The following DSCAM variants were observed in gnomAD, a reference collection of about 807,000 sequenced individuals.
DSCAM encodes the protein cell adhesion molecule DSCAM.
Under a neutral mutation model 217.7 loss-of-function variants are expected in DSCAM, and 47 were observed. The ratio of observed to expected loss-of-function variants is 0.22; its 90% CI spans 0.17 to 0.28. DSCAM has a LOEUF of 0.28. DSCAM is among the 10% of genes least tolerant of loss of function. The pLI is 1.00. For missense variants in DSCAM, 2,080 were observed against 2,618.3 expected (o/e 0.79, Z 4.49); for synonymous variants, 1,056 against 1,015.3 (o/e 1.04, Z -0.76).
At chr21:40,289,115 A>G (rs1400545582) in intron 10 of DSCAM, among the ~76,000 whole-genome samples, 1 of 152,226 alleles carries the variant, frequency 6.6e-6, no homozygotes, top group East Asian at 1.9e-4. Flanking sequence ...ATGAAAGCAA[A>G]TGGGAGAGAG....
chr21:40,661,760 T>C (rs1322906648), intron 3 of DSCAM, among the ~76,000 whole-genome samples: 3 of 152,168 alleles, frequency 2.0e-5, no homozygotes. Context: ...AAGCTCTCTT[T>C]TGTAAGCAGG....
chr21:40,032,787 A>T (rs2088552382), intron 32 of DSCAM, among the ~76,000 whole-genome samples: 2 of 150,654 alleles, frequency 1.3e-5, no homozygotes, highest in African/African-American at 5.0e-5. Context: ...TTTGCTTCTT[A>T]CTTTTGCATC....
chr21:40,105,701 G>C (rs1184271649), intron 20 of DSCAM, among the ~76,000 whole-genome samples: 1 of 152,024 alleles, frequency 6.6e-6, no homozygotes, highest in Non-Finnish European at 1.5e-5. Context: ...ACTGTGAATA[G>C]GATAACAGGG....
intron 18 of DSCAM, among the ~76,000 whole-genome samples, chr21:40,138,792 A>C (rs1360522549): frequency 9.0e-6 from 1 of 111,642 alleles, no homozygotes; most frequent in Non-Finnish European, 1.7e-5. Flanking sequence ...GGGTATGTGT[A>C]TGTGTGGTAT....
chr21:40,146,996 C>T (rs745509407), intron 16 of DSCAM, among the ~76,000 whole-genome samples: 1 of 152,172 alleles, frequency 6.6e-6, no homozygotes, highest in Non-Finnish European at 1.5e-5. Context: ...GTCAAATTTA[C>T]CAACAAAGAG....
chr21:40,799,069 G>A lies in DSCAM; in HGVS notation c.43+47550C>T, dbSNP rs138910978. Among the ~76,000 whole-genome samples the A allele has an allele frequency of 2.6e-3, 401 of 152,192 alleles. 2 individuals are homozygous for A. Among genetic ancestry groups the A allele is most frequent in the African/African-American group, 9.2e-3 (383 of 41,538 alleles). On this transcript the variant is annotated intron_variant, in intron 1 of 32. Transcript: ENST00000400454. Reference sequence around the variant, plus strand: ...TTAGATATCCACAGTTAAGTTTGTAGGCAAAGGATGGTATTGAGGTGTGTA... The same window carrying A: ...TTAGATATCCACAGTTAAGTTTGTAAGCAAAGGATGGTATTGAGGTGTGTA...
chr21:40,139,394 C>A (rs1356248890), intron 18 of DSCAM, among the ~76,000 whole-genome samples: 4 of 151,794 alleles, frequency 2.6e-5, no homozygotes. Flanking sequence ...GGCAGGACAA[C>A]CTGAAGCAAA....
chr21:40,608,502 T>G (rs1338692542), intron 3 of DSCAM, among the ~76,000 whole-genome samples: 1 of 152,204 alleles, frequency 6.6e-6, no homozygotes, highest in Non-Finnish European at 1.5e-5. Context: ...AACTGTTTTG[T>G]GCCCAGATAA....
chr21:40,185,574 G>A (rs58085431), intron 14 of DSCAM, among the ~76,000 whole-genome samples: 10,909 of 152,234 alleles, frequency 0.072, 1,238 homozygotes, highest in African/African-American at 0.24. Context: ...TAGCCAGTGC[G>A]CAGCCAGTGA....
chr21:40,039,462 G>A (rs1232973142), intron 32 of DSCAM, among the ~76,000 whole-genome samples: 1 of 152,106 alleles, frequency 6.6e-6, no homozygotes, highest in African/African-American at 2.4e-5. Flanking sequence ...TCACAAGCAT[G>A]ATATATTCAT....
At chr21:40,803,018 T>G (rs2091755673) in intron 1 of DSCAM, among the ~76,000 whole-genome samples, 1 of 152,176 alleles carries the variant, frequency 6.6e-6, no homozygotes, top group Non-Finnish European at 1.5e-5. Context: ...TGGTCTGTTT[T>G]TGCTGATATT....
chr21:40,283,368 C>T (rs761669859), intron 10 of DSCAM, among the ~76,000 whole-genome samples: 3 of 152,058 alleles, frequency 2.0e-5, no homozygotes, highest in East Asian at 1.9e-4. Flanking sequence ...TTCAATGCTC[C>T]GTTACATGAA....
chr21:40,080,815 C>G (rs1412294783), intron 24 of DSCAM, among the ~76,000 whole-genome samples: 1 of 152,198 alleles, frequency 6.6e-6, no homozygotes, highest in Non-Finnish European at 1.5e-5. Flanking sequence ...TTCACAGACA[C>G]TAGGAGAAAC....
intron 27 of DSCAM, 66 bp from the exon 28 acceptor site, chr21:40,062,965 G>T: frequency 1.4e-6 from 2 of 1,417,598 alleles, no homozygotes; most frequent in South Asian, 1.3e-5. Context: ...AGGCATTTAT[G>T]ACAAATACTC....
At chr21:40,754,702 C>T (rs1569020091) in intron 1 of DSCAM, among the ~76,000 whole-genome samples, 1 of 152,150 alleles carries the variant, frequency 6.6e-6, no homozygotes, top group Non-Finnish European at 1.5e-5. Context: ...GGAAGTGCTG[C>T]CAGGAAATGG....
intron 4 of DSCAM, among the ~76,000 whole-genome samples, chr21:40,367,945 G>GAACA (rs2074851534): frequency 6.6e-6 from 1 of 152,120 alleles, no homozygotes; most frequent in African/African-American, 2.4e-5. Context: ...AACAAAAAAT[G>GAACA]AACAAACATC....
intron 3 of DSCAM, among the ~76,000 whole-genome samples, chr21:40,662,011 G>A (rs892362889): frequency 1.3e-5 from 2 of 152,092 alleles, no homozygotes; most frequent in Non-Finnish European, 1.5e-5. Flanking sequence ...GAACACATAG[G>A]GTTAGAGCAT....
intron 1 of DSCAM, among the ~76,000 whole-genome samples, chr21:40,774,676 A>G (rs554583728): frequency 2.0e-5 from 3 of 152,208 alleles, no homozygotes; most frequent in Non-Finnish European, 4.4e-5. Context: ...AATGGAACAC[A>G]TTATTAGACA....
At chr21:40,361,963 C>T (rs2074771479) in intron 4 of DSCAM, among the ~76,000 whole-genome samples, 1 of 152,138 alleles carries the variant, frequency 6.6e-6, no homozygotes, top group Non-Finnish European at 1.5e-5. Flanking sequence ...TGATGTTCCC[C>T]CTCCTGTGTC....
Sources: gnomAD v4.1 joint callset for allele counts (sites outside exome capture counted in the v4.1 genomes callset) on GRCh38, gnomAD v4.1.1 for gene constraint, MANE v1.5 for transcripts, NCBI Gene and HGNC (gene_info 2026-07-23, HGNC 2026-07-21) for gene names.